ZNF69: variants seen among roughly 807,000 people sequenced by gnomAD.
ZNF69 encodes the protein ZNF3.
Under a neutral mutation model 50.9 loss-of-function variants are expected in ZNF69, and 47 were observed. That is an observed-to-expected ratio of 0.92 (90% CI 0.73 to 1.18). ZNF69 has a LOEUF of 1.18. ZNF69 is among the 50% of genes most tolerant of loss of function. The pLI is 0.00. For missense variants in ZNF69, 717 were observed against 675.1 expected (o/e 1.06, Z -0.69); for synonymous variants, 216 against 223.1 (o/e 0.97, Z 0.29).
chr19:11,918,601 G>A (rs763280751), downstream of ZNF69, among the ~76,000 whole-genome samples: 3 of 151,768 alleles, frequency 2.0e-5, no homozygotes, highest in African/African-American at 4.8e-5. Context: ...CTCCCACCTC[G>A]GCTTTCTGCC....
At chr19:11,961,490 G>A in the ZNF69 span, among the ~76,000 whole-genome samples, 1 of 152,194 alleles carries the variant, frequency 6.6e-6, no homozygotes, top group South Asian at 2.1e-4. Flanking sequence ...GCTGCATTTG[G>A]ATCTACCTGG....
chr19:11,905,362 A>G lies in ZNF69; in HGVS notation c.965A>G (p.His322Arg), dbSNP rs1036749203. 5.6e-6 allele frequency: 9 copies of G among 1,614,080 alleles called. No individual in the cohort carries two copies. The African/African-American group carries it at 8.0e-5, about 14-fold the overall frequency. The part of the protein sequence containing the change: ...AFTCPQYVRI[H>R]ERTHSRKKPY... ...ACGTGTCCCCAGTATGTTCGTATAC[A>G]TGAAAGGACCCACTCTAGGAAAAAA... The change falls in exon 4 of 4, where the codon CAT becomes CGT. Residue 322 changes from histidine (H) to arginine (R), a missense_variant. By Grantham distance (29) the His-to-Arg change is conservative. Coordinates refer to ENST00000429654, the MANE Select transcript of ZNF69 (RefSeq NM_001364730.1).
chr19:11,892,664 G>A (rs1263444175), intron 1 of ZNF69, among the ~76,000 whole-genome samples: 4 of 152,094 alleles, frequency 2.6e-5, no homozygotes. Context: ...TTTCCCTTCA[G>A]TCATTTACAA....
intron 1 of ZNF69, among the ~76,000 whole-genome samples, chr19:11,893,871 G>A (rs1977156692): frequency 6.6e-6 from 1 of 152,180 alleles, no homozygotes; most frequent in African/African-American, 2.4e-5. Flanking sequence ...CACATAGACA[G>A]TCAGCCAATT....
Position 11,904,944 on chromosome 19 carries a change from C to T in ZNF69, c.547C>T (p.Gln183Ter), listed in dbSNP as rs757835299. The T allele has an allele frequency of 6.2e-7, 1 of 1,614,176 alleles. No homozygotes were observed. Among genetic ancestry groups the T allele is most frequent in the South Asian group, 1.1e-5 (1 of 91,082 alleles). Residue 183 changes from glutamine (Q) to a stop codon, truncating the protein, a stop_gained, in exon 4 of 4, where the codon CAA becomes TAA. Coordinates refer to ENST00000429654, the MANE Select transcript of ZNF69 (RefSeq NM_001364730.1). LOFTEE classifies it high-confidence loss of function. The stretch of plus-strand genomic sequence containing the variant: ...ATATCACCCCTCCTTTAGAACACCA[C>T]AAAGGGATCACACTGGAGAGAAACC... The part of the protein sequence containing the change: ...FRYHPSFRTP[Q>*]RDHTGEKPYA...
chr19:11,934,874 T>C, the ZNF69 span, among the ~76,000 whole-genome samples: 4 of 147,536 alleles, frequency 2.7e-5, no homozygotes, highest in Non-Finnish European at 4.4e-5. Context: ...CATCCTGTCA[T>C]ATGTTTGCCA....
the ZNF69 span, among the ~76,000 whole-genome samples, chr19:11,924,809 T>G: frequency 6.6e-6 from 1 of 152,180 alleles, no homozygotes; most frequent in African/African-American, 2.4e-5. Context: ...CACACTCCTG[T>G]GACCCCGTGC....
At chr19:11,911,570 A>G (rs1353216077), downstream of ZNF69, among the ~76,000 whole-genome samples, 2 of 152,168 alleles carry the variant, frequency 1.3e-5, no homozygotes, top group African/African-American at 4.8e-5. Flanking sequence ...AACTATAACA[A>G]GGACAGAAAA....
At chr19:11,892,290 TTTG>T (rs1421926370) in intron 1 of ZNF69, among the ~76,000 whole-genome samples, 2 of 152,076 alleles carry the variant, frequency 1.3e-5, no homozygotes, top group Non-Finnish European at 2.9e-5. Flanking sequence ...AGCAACTTAA[TTTG>T]TTATGGTTTG....
chr19:11,971,666 A>G, the ZNF69 span, among the ~76,000 whole-genome samples: 1 of 152,216 alleles, frequency 6.6e-6, no homozygotes, highest in Non-Finnish European at 1.5e-5. Context: ...ACATTTTTCC[A>G]TTTATTGCAT....
At chr19:11,934,994 T>G in the ZNF69 span, among the ~76,000 whole-genome samples, 200 of 146,192 alleles carry the variant, frequency 1.4e-3, 5 homozygotes, top group South Asian at 2.1e-3. Flanking sequence ...TGGCTAACAC[T>G]GTGAAACCCC....
At chr19:11,968,527 C>G in the ZNF69 span, among the ~76,000 whole-genome samples, 1 of 152,188 alleles carries the variant, frequency 6.6e-6, no homozygotes, top group Non-Finnish European at 1.5e-5. Flanking sequence ...TAGACATGAG[C>G]AAATGCATGT....
At chr19:11,974,126 T>TTTCTTTTCTTTC in the ZNF69 span, among the ~76,000 whole-genome samples, 243 of 54,982 alleles carry the variant, frequency 4.4e-3, no homozygotes, top group South Asian at 8.7e-3. Context: ...TCTTTCTTTC[T>TTTCTTTTCTTTC]TTTCTTTCTT....
chr19:11,938,244 T>A, the ZNF69 span, among the ~76,000 whole-genome samples: 3 of 152,152 alleles, frequency 2.0e-5, no homozygotes, highest in Admixed American at 6.5e-5. Flanking sequence ...GATTTTTTTT[T>A]AATATTATAT....
chr19:11,950,487 TC>T, the ZNF69 span: 2 of 658,402 alleles, frequency 3.0e-6, no homozygotes, highest in East Asian at 2.8e-5. Flanking sequence ...GTATTCTAGT[TC>T]CGTTTGATAT....
downstream of ZNF69, among the ~76,000 whole-genome samples, chr19:11,915,273 C>T (rs970982455): frequency 1.3e-5 from 2 of 152,200 alleles, no homozygotes; most frequent in Non-Finnish European, 2.9e-5. Flanking sequence ...CCCTTGAAGG[C>T]CAAATACACC....
chr19:11,960,494 G>A, the ZNF69 span, among the ~76,000 whole-genome samples: 4 of 151,778 alleles, frequency 2.6e-5, no homozygotes, highest in Non-Finnish European at 5.9e-5. Context: ...GGGTCTCAGT[G>A]TTTTGCCCAG....
chr19:11,916,509 G>C (rs867375970), downstream of ZNF69, among the ~76,000 whole-genome samples: 21 of 152,312 alleles, frequency 1.4e-4, no homozygotes, highest in Middle Eastern at 3.4e-3. Flanking sequence ...CAGCTACTCT[G>C]GTGACTGAGG....
At chr19:11,971,068 A>G in the ZNF69 span, among the ~76,000 whole-genome samples, 3 of 152,214 alleles carry the variant, frequency 2.0e-5, no homozygotes, top group African/African-American at 7.2e-5. Flanking sequence ...AGTGTATAGT[A>G]GGGATATTGC....
Sources: allele counts gnomAD v4.1 joint callset (sites outside exome capture counted in the v4.1 genomes callset), GRCh38; gene constraint gnomAD v4.1.1; transcripts MANE v1.5; gene names NCBI Gene and HGNC (gene_info 2026-07-23, HGNC 2026-07-21).